STX8: variants seen among roughly 807,000 people sequenced by gnomAD.
The protein encoded by STX8 is syntaxin 8.
In STX8, 23 loss-of-function variants were observed where a neutral mutation model predicts 37.5. The ratio of observed to expected loss-of-function variants is 0.61; its 90% confidence interval spans 0.44 to 0.87. STX8 has a LOEUF of 0.87. Among genes scored for constraint, STX8 ranks in the 40% least tolerant of loss-of-function variants. STX8 has a pLI of 0.00. For synonymous variants in STX8, 115 were observed against 99.1 expected, an observed-to-expected ratio of 1.16 and a Z score of -0.95; for missense variants, 313 against 284.7, an observed-to-expected ratio of 1.10 and a Z score of -0.71.
intron 6 of STX8, among the ~76,000 whole-genome samples, chr17:9,484,652 C>T (rs1281925199): frequency 4.8e-5 from 4 of 82,624 alleles, no homozygotes; most frequent in Non-Finnish European, 9.7e-5. Context: ...CCTGTCTCTA[C>T]TAAAAATACA....
At chr17:9,379,620 A>C (rs1911723399) in intron 6 of STX8, among the ~76,000 whole-genome samples, 2 of 152,182 alleles carry the variant, frequency 1.3e-5, no homozygotes. Context: ...CCAAAACTTT[A>C]ATGTTTTTTG....
intron 7 of STX8, among the ~76,000 whole-genome samples, chr17:9,340,032 C>T (rs185291841): frequency 0.016 from 2,372 of 152,350 alleles, 60 homozygotes; most frequent in African/African-American, 0.053. Flanking sequence ...ACCGCGGGAT[C>T]CTCCCATAGC....
chr17:9,355,371 G>A (rs1209873828), intron 7 of STX8, among the ~76,000 whole-genome samples: 2 of 130,346 alleles, frequency 1.5e-5, no homozygotes, highest in Non-Finnish European at 3.1e-5. Flanking sequence ...GTCTCACCCT[G>A]TCACCCAGGC....
At chr17:9,545,716 G>A (rs1906479621) in intron 3 of STX8, among the ~76,000 whole-genome samples, 1 of 152,160 alleles carries the variant, frequency 6.6e-6, no homozygotes, top group Admixed American at 6.5e-5. Context: ...GAGTAGCTGG[G>A]CTTACAGACG....
intron 2 of STX8, 114 bp from the exon 3 acceptor site, chr17:9,557,642 GAGAT>G (rs1186181037): frequency 2.2e-5 from 19 of 876,408 alleles, no homozygotes; most frequent in Non-Finnish European, 3.1e-5. Flanking sequence ...AGGGCTGGAA[GAGAT>G]AGATACTCAG....
At chr17:9,522,043 T>C (rs1905357256) in intron 4 of STX8, among the ~76,000 whole-genome samples, 1 of 152,312 alleles carries the variant, frequency 6.6e-6, no homozygotes, top group African/African-American at 2.4e-5. Flanking sequence ...ATCATTTTTT[T>C]GGGTCTCCAA....
At chr17:9,369,984 G>A (rs1369208184) in intron 7 of STX8, among the ~76,000 whole-genome samples, 12 of 151,860 alleles carry the variant, frequency 7.9e-5, no homozygotes, top group South Asian at 4.2e-4. Flanking sequence ...GGAGGCTGAG[G>A]CAGGCAATCA....
At chr17:9,395,067 C>A (rs1173867987) in intron 6 of STX8, among the ~76,000 whole-genome samples, 4 of 141,504 alleles carry the variant, frequency 2.8e-5, no homozygotes, top group African/African-American at 8.6e-5. Context: ...AAGAGCAAGA[C>A]CCCGTCTCAA....
At position 9,300,344 on chromosome 17, in the gene STX8, AAAAAG is replaced by A. The variant is rs1284918019; in HGVS notation, c.644-49704_644-49700del. On this transcript the variant is annotated intron_variant, in intron 7 of 7. Coordinates refer to ENST00000306357, the MANE Select transcript of STX8 (RefSeq NM_004853.3). ...GAAACTCCATCTCAAAAAAAAAAAA[AAAAAG>A]AAAGAAAGAAAGAAAAAGAAAAAGA... Among the ~76,000 whole-genome samples, 270 of 150,310 alleles carry A rather than the reference AAAAAG, an allele frequency of 1.8e-3. 2 individuals are homozygous for A. The highest frequency in any genetic ancestry group is 5.9e-3 in the African/African-American group (241 of 41,108).
chr17:9,344,992 G>A (rs1412041822), intron 7 of STX8, among the ~76,000 whole-genome samples: 2 of 151,888 alleles, frequency 1.3e-5, no homozygotes, highest in East Asian at 3.9e-4. Flanking sequence ...CAAAATCATC[G>A]CTCTCTCTCT....
Position 9,505,060 on chromosome 17 carries a change from T to C in STX8, c.426A>G (p.Gln142=), listed in dbSNP as rs776244819. 1 of 1,613,512 alleles carries C rather than the reference T, an allele frequency of 6.2e-7. No homozygotes were observed. ...TRGLGFDEIR[Q]QQQKIIQEQD... ...TACCTTGGATAATTTTCTGCTGCTG[T>C]TGCCGGATTTCATCAAAACCCAAGC... Residue 142 remains glutamine (Q), a synonymous_variant, in exon 5 of 8, where the codon CAA becomes CAG. Coordinates refer to ENST00000306357, the MANE Select transcript of STX8 (RefSeq NM_004853.3).
At chr17:9,569,161 G>A (rs1359391253) in intron 1 of STX8, among the ~76,000 whole-genome samples, 3 of 152,208 alleles carry the variant, frequency 2.0e-5, no homozygotes, top group Non-Finnish European at 2.9e-5. Flanking sequence ...CATGTGGGGG[G>A]TCTCCGCTGC....
intron 4 of STX8, among the ~76,000 whole-genome samples, chr17:9,524,717 C>G (rs1905491404): frequency 1.3e-5 from 2 of 152,156 alleles, no homozygotes; most frequent in Admixed American, 1.3e-4. Flanking sequence ...AATTCATCTA[C>G]TTCATATCTA....
intron 6 of STX8, among the ~76,000 whole-genome samples, chr17:9,442,528 T>C (rs1459188692): frequency 6.6e-6 from 1 of 152,202 alleles, no homozygotes; most frequent in African/African-American, 2.4e-5. Context: ...TGCCTCAGCC[T>C]CTCAAGTAGC....
chr17:9,486,377 A>G (rs1023732361), intron 6 of STX8, among the ~76,000 whole-genome samples: 1 of 152,216 alleles, frequency 6.6e-6, no homozygotes, highest in African/African-American at 2.4e-5. Context: ...TTGAGCATCA[A>G]AAGAATGGCA....
At chr17:9,523,041 G>A (rs1357175252) in intron 4 of STX8, among the ~76,000 whole-genome samples, 1 of 151,720 alleles carries the variant, frequency 6.6e-6, no homozygotes, top group African/African-American at 2.4e-5. Flanking sequence ...AGCCAGGCTC[G>A]GTGGCTCTCA....
intron 6 of STX8, among the ~76,000 whole-genome samples, chr17:9,385,697 A>G (rs1486424358): frequency 6.6e-6 from 1 of 152,262 alleles, no homozygotes; most frequent in East Asian, 1.9e-4. Context: ...AGGGCGCTGT[A>G]CAAGTATTTG....
chr17:9,391,138 G>C (rs551553348), intron 6 of STX8, among the ~76,000 whole-genome samples: 8 of 152,092 alleles, frequency 5.3e-5, no homozygotes, highest in Middle Eastern at 3.4e-3. Flanking sequence ...GAAGCATTAC[G>C]AGACACCCTC....
chr17:9,453,095 C>T (rs11871063), intron 6 of STX8, among the ~76,000 whole-genome samples: 27,432 of 152,044 alleles, frequency 0.18, 2,716 homozygotes, highest in African/African-American at 0.23. Context: ...CGTGAGCCAC[C>T]GCGCCTGGCC....
Sources: gnomAD v4.1 joint callset for allele counts (sites outside exome capture counted in the v4.1 genomes callset) on GRCh38, gnomAD v4.1.1 for gene constraint, MANE v1.5 for transcripts, NCBI Gene and HGNC (gene_info 2026-07-23, HGNC 2026-07-21) for gene names.